PAMR1: variants seen among roughly 807,000 people sequenced by gnomAD.
The protein encoded by PAMR1 is peptidase domain containing associated with muscle regeneration 1.
A neutral mutation model predicts 81.8 loss-of-function variants in PAMR1; 88 were observed. The observed-to-expected ratio is 1.08, with a 90% CI of 0.91 to 1.28. The LOEUF (loss-of-function observed/expected upper bound fraction) is 1.28. Among genes scored for constraint, PAMR1 ranks in the 50% most tolerant of loss-of-function variants. The pLI is 0.00. For synonymous variants in PAMR1, 336 were observed against 345.3 expected (o/e 0.97, Z 0.30); for missense variants, 935 against 919.7 (o/e 1.02, Z -0.21).
intron 8 of PAMR1, 92 bp downstream of exon 8, chr11:35,439,535 G>T: frequency 9.6e-7 from 1 of 1,038,090 alleles, no homozygotes; most frequent in Non-Finnish European, 1.5e-6. Context: ...ACCTCAAACT[G>T]ACTATCTTTG....
chr11:35,479,898 A>G (rs1436667808), intron 3 of PAMR1, among the ~76,000 whole-genome samples: 2 of 152,202 alleles, frequency 1.3e-5, no homozygotes, highest in Non-Finnish European at 2.9e-5. Context: ...CAGTACAGGA[A>G]GGTACTCCGA....
chr11:35,480,856 C>G (rs1190754972), intron 3 of PAMR1, among the ~76,000 whole-genome samples: 10 of 152,188 alleles, frequency 6.6e-5, no homozygotes. Context: ...CCTCCCCTCA[C>G]TCCCCAGGCC....
rs754351325 is a variant in PAMR1 at position 35,468,009 on chromosome 11, CAGCGCTGCCCAGTAT to C, written c.797_811del (p.Tyr266_Arg270del). ...TTAGGAAGCATACTCACGATTTTCA[CAGCGCTGCCCAGTAT>C]AGCCTGCCAAGCAGGCACACTTGTA... On this transcript the variant is annotated inframe_deletion, in exon 6 of 11. Transcript: ENST00000619888. 2 of 1,554,706 alleles carry C rather than the reference CAGCGCTGCCCAGTAT, an allele frequency of 1.3e-6. No individual in the cohort carries two copies. Among genetic ancestry groups the C allele is most frequent in the Non-Finnish European group, 8.7e-7 (1 of 1,146,094 alleles).
intron 3 of PAMR1, among the ~76,000 whole-genome samples, chr11:35,480,899 C>T (rs999591604): frequency 2.0e-5 from 3 of 152,148 alleles, no homozygotes; most frequent in Non-Finnish European, 2.9e-5. Context: ...GTTTCCCTCC[C>T]TATGTCCATG....
rs917180271 is a variant in PAMR1, at chr11:35,434,523, G to A, written c.1615C>T (p.Gln539Ter). The A allele has an allele frequency of 6.2e-7, 1 of 1,613,720 alleles. No homozygotes were observed. The change falls in exon 10 of 11, where the codon CAG (glutamine) becomes TAG (stop). Residue 539 changes from glutamine (Q) to a stop codon, truncating the protein, a stop_gained. Coordinates refer to ENST00000619888, the MANE Select transcript of PAMR1 (RefSeq NM_001001991.3). LOFTEE classifies it high-confidence loss of function. ...RDDDRDEKTI[Q>*]SLQISAIILH... ...AAGCCCTCTCTTACCTGTAGGCTCTGGATGGTCTTCTCATCCCGGTCATCA... is the reference window on the plus strand; with the variant it reads ...AAGCCCTCTCTTACCTGTAGGCTCTAGATGGTCTTCTCATCCCGGTCATCA...
intron 3 of PAMR1, among the ~76,000 whole-genome samples, chr11:35,477,603 T>C (rs1406270730): frequency 1.3e-5 from 2 of 152,214 alleles, no homozygotes; most frequent in African/African-American, 4.8e-5. Flanking sequence ...CAAATGTGAA[T>C]AAAAGTGGCA....
At chr11:35,498,591 G>A (rs892468104) in intron 1 of PAMR1, among the ~76,000 whole-genome samples, 2 of 152,154 alleles carry the variant, frequency 1.3e-5, no homozygotes, top group African/African-American at 4.8e-5. Context: ...TCAATTTCTT[G>A]CTTAAAATGG....
At chr11:35,492,270 TC>T (rs1377086582) in intron 2 of PAMR1, 97 bp from the exon 3 acceptor site, 1 of 1,341,332 alleles carries the variant, frequency 7.5e-7, no homozygotes, top group Admixed American at 1.9e-5. Context: ...GGGCCCTGTC[TC>T]AACTAAGAGC....
chr11:35,443,397 C>G (rs184987445), intron 6 of PAMR1, among the ~76,000 whole-genome samples: 33 of 152,172 alleles, frequency 2.2e-4, no homozygotes, highest in Middle Eastern at 6.8e-3. Flanking sequence ...GTGTGTTATT[C>G]CCCTCCCTGT....
Position 35,452,712 on chromosome 11 carries a change from T to C in PAMR1, c.821-11019A>G, listed in dbSNP as rs530348372. ...TTTGTTGTTTCTGGGGTTAAGTACC[T>C]ATCAAGCAAAATGGCTTGGGTCTTC... On this transcript the variant is annotated intron_variant, in intron 6 of 10. Coordinates refer to ENST00000619888, the MANE Select transcript of PAMR1 (RefSeq NM_001001991.3). Among the ~76,000 whole-genome samples the C allele has an allele frequency of 2.6e-5, 4 of 152,324 alleles. No homozygotes were observed. In the South Asian group the frequency reaches 8.3e-4, roughly 32 times the overall value.
intron 1 of PAMR1, among the ~76,000 whole-genome samples, chr11:35,520,924 TC>T (rs1212616491): frequency 6.6e-6 from 1 of 152,194 alleles, no homozygotes; most frequent in African/African-American, 2.4e-5. Context: ...GCCATTTCTG[TC>T]TAGCCAGTAT....
At chr11:35,520,045 A>G (rs1482028523) in intron 1 of PAMR1, among the ~76,000 whole-genome samples, 1 of 152,216 alleles carries the variant, frequency 6.6e-6, no homozygotes, top group Non-Finnish European at 1.5e-5. Flanking sequence ...GTAAATATAT[A>G]TAAAGCATAT....
At chr11:35,520,195 G>A (rs2135426319) in intron 1 of PAMR1, among the ~76,000 whole-genome samples, 1 of 152,270 alleles carries the variant, frequency 6.6e-6, no homozygotes, top group Middle Eastern at 3.4e-3. Context: ...CAAGGGTAAA[G>A]ATGCCTTGAT....
intron 3 of PAMR1, among the ~76,000 whole-genome samples, chr11:35,490,926 T>G (rs1488614861): frequency 6.6e-6 from 1 of 152,200 alleles, no homozygotes; most frequent in Non-Finnish European, 1.5e-5. Context: ...CTAGGTCTGT[T>G]TCATTCTAGA....
chr11:35,525,764 G>A, upstream of PAMR1: 1 of 619,536 alleles, frequency 1.6e-6, no homozygotes, highest in Non-Finnish European at 2.9e-6. Context: ...CCAGAGCGAC[G>A]TCAGCCCAAA....
At chr11:35,489,292 T>C (rs1850571908) in intron 3 of PAMR1, among the ~76,000 whole-genome samples, 1 of 152,152 alleles carries the variant, frequency 6.6e-6, no homozygotes, top group South Asian at 2.1e-4. Context: ...CTTTTATTAC[T>C]CACTTAACAG....
intron 1 of PAMR1, among the ~76,000 whole-genome samples, chr11:35,521,778 G>C (rs544902501): frequency 6.6e-6 from 1 of 152,160 alleles, no homozygotes; most frequent in African/African-American, 2.4e-5. Context: ...TCCAGGTAAC[G>C]GAGGAACTTG....
At chr11:35,497,784 C>T (rs779742771) in intron 1 of PAMR1, among the ~76,000 whole-genome samples, 1 of 152,196 alleles carries the variant, frequency 6.6e-6, no homozygotes, top group East Asian at 1.9e-4. Flanking sequence ...TACTGTACTA[C>T]ATTATAACAT....
intron 6 of PAMR1, among the ~76,000 whole-genome samples, chr11:35,454,548 A>T (rs1856484952): frequency 6.6e-6 from 1 of 152,106 alleles, no homozygotes; most frequent in Admixed American, 6.5e-5. Flanking sequence ...TTCCTTTGAT[A>T]AATCAGTTGG....
Sources: gnomAD v4.1 joint callset for allele counts (sites outside exome capture counted in the v4.1 genomes callset) on GRCh38, gnomAD v4.1.1 for gene constraint, MANE v1.5 for transcripts, NCBI Gene and HGNC (gene_info 2026-07-23, HGNC 2026-07-21) for gene names.